The following FTO variants were observed in gnomAD, a reference collection of about 807,000 sequenced individuals.
FTO encodes alpha-ketoglutarate-dependent dioxygenase FTO.
Under a neutral mutation model 63.9 loss-of-function variants are expected in FTO, and 47 were observed. The observed-to-expected ratio is 0.74, with a 90% confidence interval of 0.58 to 0.94. The LOEUF (loss-of-function observed/expected upper bound fraction) is 0.94, where lower values mean the gene tolerates loss of function less well. Ranked by LOEUF, FTO falls within the 40% of genes least tolerant of loss-of-function variation. FTO has a pLI of 0.00. For synonymous variants in FTO, 207 were observed against 224.4 expected (o/e 0.92, Z 0.69); for missense variants, 562 against 618.1 (o/e 0.91, Z 0.96).
At chr16:53,796,013 C>T (rs1211199677) in intron 1 of FTO, among the ~76,000 whole-genome samples, 1 of 151,116 alleles carries the variant, frequency 6.6e-6, no homozygotes, top group African/African-American at 2.4e-5. Flanking sequence ...AAAGTGAAAC[C>T]AGAAGTAAGG....
intron 8 of FTO, among the ~76,000 whole-genome samples, chr16:54,089,313 G>A (rs1439776477): frequency 6.6e-6 from 1 of 152,198 alleles, no homozygotes; most frequent in African/African-American, 2.4e-5. Context: ...TGGGTTAATT[G>A]TGTTGTCAGT....
chr16:53,944,884 GAA>G (rs777736788), intron 8 of FTO, among the ~76,000 whole-genome samples: 21 of 152,330 alleles, frequency 1.4e-4, no homozygotes, highest in Admixed American at 2.0e-4. Context: ...TCCTTTGAGA[GAA>G]TGCCTCATGA....
At chr16:54,020,658 A>T (rs1466223734) in intron 8 of FTO, among the ~76,000 whole-genome samples, 1 of 152,188 alleles carries the variant, frequency 6.6e-6, no homozygotes, top group African/African-American at 2.4e-5. Flanking sequence ...ATGGATCAAG[A>T]TGATTATAAT....
chr16:53,831,610 C>G, intron 3 of FTO, among the ~76,000 whole-genome samples: 1 of 152,250 alleles, frequency 6.6e-6, no homozygotes, highest in East Asian at 1.9e-4. Flanking sequence ...AATCCCTGCC[C>G]TCATCAAGCT....
In FTO at chr16:53,814,006, A is replaced by C. The variant is rs190044262; in HGVS notation, c.123+3789A>C. Among the ~76,000 whole-genome samples the C allele has an allele frequency of 1.2e-3, 179 of 152,294 alleles. 1 individual carries two copies. The highest frequency in any genetic ancestry group is 3.7e-3 in the African/African-American group (152 of 41,582). On this transcript the variant is annotated intron_variant, in intron 2 of 8. Coordinates refer to ENST00000471389, the MANE Select transcript of FTO (RefSeq NM_001080432.3). ...AACAAGATTAAAAAAGGAGGAAATC[A>C]GGAGAGACTAAGTTAGTTATCTGAG...
intron 8 of FTO, among the ~76,000 whole-genome samples, chr16:54,097,977 T>A (rs1397149307): frequency 6.6e-6 from 1 of 152,056 alleles, no homozygotes; most frequent in Non-Finnish European, 1.5e-5. Flanking sequence ...AGCAGCAGGT[T>A]CTAATATGCT....
rs1331709120 is a variant in FTO, at chr16:54,116,404, G to C, written c.*4489G>C. 6.6e-6 allele frequency: 1 copy of C among 152,128 alleles called. No individual in the cohort carries two copies. Among genetic ancestry groups the C allele is most frequent in the Non-Finnish European group, 1.5e-5 (1 of 68,038 alleles). 9.4% of individuals were successfully genotyped at this position (152,128 alleles called of 1,614,324 possible). ...CATCCAGACAGATTCAGATGGAGAG[G>C]AGCGGTGTGGATTAAAATGCGCCGA... On this transcript the variant is annotated 3_prime_UTR_variant, in exon 9 of 9. Transcript: ENST00000471389.
At chr16:53,855,926 A>G (rs1010197372) in intron 4 of FTO, among the ~76,000 whole-genome samples, 5 of 152,082 alleles carry the variant, frequency 3.3e-5, no homozygotes, top group Non-Finnish European at 7.4e-5. Flanking sequence ...ATGCATTTTG[A>G]AATTTTTTTG....
At chr16:53,784,721 T>C (rs1488750337) in intron 1 of FTO, among the ~76,000 whole-genome samples, 1 of 152,198 alleles carries the variant, frequency 6.6e-6, no homozygotes, top group Non-Finnish European at 1.5e-5. Flanking sequence ...TACCAGTCAT[T>C]GCATAGATAA....
intron 8 of FTO, among the ~76,000 whole-genome samples, chr16:54,023,491 G>A (rs2084645581): frequency 6.6e-6 from 1 of 152,038 alleles, no homozygotes; most frequent in Non-Finnish European, 1.5e-5. Context: ...TCTCACACTC[G>A]CTGACCTCCA....
At chr16:53,743,190 A>G (rs2076568586) in intron 1 of FTO, among the ~76,000 whole-genome samples, 1 of 151,830 alleles carries the variant, frequency 6.6e-6, no homozygotes, top group African/African-American at 2.4e-5. Context: ...ATATTTCTAC[A>G]TTTTCTTGGA....
At chr16:53,753,886 G>T (rs2076856295) in intron 1 of FTO, among the ~76,000 whole-genome samples, 1 of 152,076 alleles carries the variant, frequency 6.6e-6, no homozygotes, top group East Asian at 1.9e-4. Context: ...GCTGCTCAGG[G>T]GTGCTGCGTT....
In FTO at chr16:53,815,636, G is replaced by GTTTTTTTTTTTT. The variant is rs556357629; in HGVS notation, c.123+5438_123+5449dup. On this transcript the variant is annotated intron_variant, in intron 2 of 8. Transcript: ENST00000471389. ...ACCCTATAAGGCCATTGACTTTCTT[G>GTTTTTTTTTTTT]TTTTTTTTTTTTTTTTTTTTTTTTT... Among the ~76,000 whole-genome samples the GTTTTTTTTTTTT allele has an allele frequency of 3.1e-4, 30 of 98,154 alleles. 5 individuals carry two copies. Among genetic ancestry groups the GTTTTTTTTTTTT allele is most frequent in the East Asian group, 1.2e-3 (3 of 2,576 alleles). 64.4% of individuals were successfully genotyped at this position (98,154 alleles called of 152,430 possible).
At chr16:54,000,995 G>A (rs1417599678) in intron 8 of FTO, among the ~76,000 whole-genome samples, 1 of 152,146 alleles carries the variant, frequency 6.6e-6, no homozygotes, top group Non-Finnish European at 1.5e-5. Flanking sequence ...TATAAAATGA[G>A]GGGTTTAAAC....
At chr16:53,972,153 GC>G (rs2083338007) in intron 8 of FTO, among the ~76,000 whole-genome samples, 1 of 152,022 alleles carries the variant, frequency 6.6e-6, no homozygotes, top group African/African-American at 2.4e-5. Flanking sequence ...TTTATCCTGT[GC>G]TGAAATGCTC....
chr16:53,816,153 C>T (rs768705487), intron 2 of FTO, among the ~76,000 whole-genome samples: 4 of 152,148 alleles, frequency 2.6e-5, no homozygotes, highest in Admixed American at 6.5e-5. Context: ...AAAGACTTTA[C>T]TTAAACACTA....
chr16:54,050,595 T>G (rs1285956770), intron 8 of FTO, among the ~76,000 whole-genome samples: 1 of 152,106 alleles, frequency 6.6e-6, no homozygotes, highest in Non-Finnish European at 1.5e-5. Context: ...CTTTACCTCC[T>G]ACCCACACCC....
intron 8 of FTO, among the ~76,000 whole-genome samples, chr16:53,997,353 G>A (rs1437155951): frequency 2.0e-5 from 3 of 152,162 alleles, no homozygotes; most frequent in African/African-American, 7.2e-5. Context: ...GGGGATTTGG[G>A]GAACTACAAT....
chr16:53,942,556 G>C (rs1328738207), intron 8 of FTO, among the ~76,000 whole-genome samples: 1 of 152,210 alleles, frequency 6.6e-6, no homozygotes, highest in Non-Finnish European at 1.5e-5. Context: ...GTTCAGTAGG[G>C]ATAGGAACAA....
Sources: gnomAD v4.1 joint callset for allele counts (sites outside exome capture counted in the v4.1 genomes callset) on GRCh38, gnomAD v4.1.1 for gene constraint, MANE v1.5 for transcripts, NCBI Gene and HGNC (gene_info 2026-07-23, HGNC 2026-07-21) for gene names.